The following ENOX1 variants were observed in gnomAD, a reference collection of about 807,000 sequenced individuals.
ENOX1 encodes the protein candidate growth-related and time keeping constitutive hydroquinone (NADH) oxidase.
A neutral mutation model predicts 82.5 loss-of-function variants in ENOX1; 42 were observed. The observed-to-expected ratio is 0.51, with a 90% CI of 0.40 to 0.66. The LOEUF (loss-of-function observed/expected upper bound fraction) is 0.66, where lower values mean the gene tolerates loss of function less well. Ranked by LOEUF, ENOX1 falls within the 30% of genes least tolerant of loss-of-function variation. The probability of loss-of-function intolerance (pLI) is 0.00; values close to 1 mark genes in which losing one functional copy is unlikely to be tolerated. For synonymous variants in ENOX1, 271 were observed against 282.2 expected (o/e 0.96, Z 0.40); for missense variants, 608 against 811.6 (o/e 0.75, Z 3.05).
rs116270991 is a variant in ENOX1 at position 43,540,652 on chromosome 13, C to A, written c.-218-56500G>T. On this transcript the variant is annotated intron_variant, in intron 2 of 16. Transcript: ENST00000690772. ...TGAGATGGCTATGAGCTAGGTCCTG[C>A]AGAGCTTTGTGGGGTTGTTGACTTT... Among the ~76,000 whole-genome samples, 1,467 of 152,234 alleles carry A rather than the reference C, an allele frequency of 9.6e-3. 15 individuals are homozygous for A. The highest frequency in any genetic ancestry group is 0.033 in the African/African-American group (1,367 of 41,534).
At chr13:43,529,678 G>A (rs946924250) in intron 2 of ENOX1, among the ~76,000 whole-genome samples, 1 of 152,030 alleles carries the variant, frequency 6.6e-6, no homozygotes, top group African/African-American at 2.4e-5. Flanking sequence ...ACAGCAATTG[G>A]GTTTGGTACT....
At position 43,386,907 on chromosome 13, in the gene ENOX1, T is replaced by C. The variant is rs1306422432; in HGVS notation, c.208+25009A>G. Reference sequence around the variant, plus strand: ...AATATCAAAACTTGACGTGGTAACATTATAGAAAAAAGCTAGTGGAACACC... The same window carrying C: ...AATATCAAAACTTGACGTGGTAACACTATAGAAAAAAGCTAGTGGAACACC... On this transcript the variant is annotated intron_variant, in intron 5 of 16. Transcript: ENST00000690772. 2.6e-5 allele frequency among the ~76,000 whole-genome samples: 4 copies of C among 152,140 alleles called. No individual in the cohort carries two copies. The East Asian group carries it at 7.7e-4, about 29-fold the overall frequency.
chr13:43,276,597 G>A (rs528653595), intron 12 of ENOX1, among the ~76,000 whole-genome samples: 2 of 152,292 alleles, frequency 1.3e-5, no homozygotes, highest in Admixed American at 6.5e-5. Context: ...CTTAGGTCCC[G>A]CTGATGAGGT....
chr13:43,603,977 T>A, intron 2 of ENOX1, among the ~76,000 whole-genome samples: 1 of 136,274 alleles, frequency 7.3e-6, no homozygotes, highest in Non-Finnish European at 1.6e-5. Flanking sequence ...ACTTCCACAA[T>A]GGTTGAACTA....
rs1566307696 is a variant in ENOX1, at chr13:43,470,365, C to CGTATATATATGTATATATAT, written c.-75+13643_-75+13644insATATATATACATATATATAC. Among the ~76,000 whole-genome samples the CGTATATATATGTATATATAT allele has an allele frequency of 2.0e-3, 56 of 27,354 alleles. 7 individuals carry two copies. The highest frequency in any genetic ancestry group is 8.9e-3 in the African/African-American group (53 of 5,934). The allele number at this position is 27,354 out of a possible 152,430, so 17.9% of individuals were successfully genotyped here. A position where few individuals can be genotyped will look rare whatever the true frequency, so the allele number is the denominator to read the frequency against. ...ACGTATATATATATGTATATATATA[C>CGTATATATATGTATATATAT]GTATATATATACATATATATACGTA... is the stretch of plus-strand genomic sequence containing the variant. On this transcript the variant is annotated intron_variant, in intron 3 of 16. Transcript: ENST00000690772.
At chr13:43,366,282 C>CT (rs71671308) in intron 5 of ENOX1, among the ~76,000 whole-genome samples, 44,643 of 148,772 alleles carry the variant, frequency 0.3, 6,686 homozygotes, top group East Asian at 0.46. Flanking sequence ...GGCTGACCAG[C>CT]TTTTTTTTTT....
chr13:43,229,687 T>C (rs2042189317), intron 15 of ENOX1, among the ~76,000 whole-genome samples: 1 of 152,130 alleles, frequency 6.6e-6, no homozygotes, highest in African/African-American at 2.4e-5. Context: ...CAGTTGGAAG[T>C]GTTTGCATGA....
chr13:43,477,015 CAG>C (rs1205534218), intron 3 of ENOX1, among the ~76,000 whole-genome samples: 1 of 150,000 alleles, frequency 6.7e-6, no homozygotes, highest in Non-Finnish European at 1.5e-5. Context: ...ATGAATGAAA[CAG>C]ATCTCCATAT....
chr13:43,254,887 G>GTAA (rs1175515794), intron 14 of ENOX1, among the ~76,000 whole-genome samples: 2 of 152,098 alleles, frequency 1.3e-5, no homozygotes, highest in Admixed American at 1.3e-4. Flanking sequence ...GATTGAAGCA[G>GTAA]TAATAAAAAG....
chr13:43,338,908 A>T (rs1313672887), intron 9 of ENOX1, among the ~76,000 whole-genome samples: 1 of 151,980 alleles, frequency 6.6e-6, no homozygotes, highest in East Asian at 1.9e-4. Context: ...GATGGTCTCG[A>T]TCTCCTGACC....
intron 1 of ENOX1, among the ~76,000 whole-genome samples, chr13:43,693,992 A>T (rs183622044): frequency 2.6e-5 from 4 of 152,332 alleles, no homozygotes; most frequent in African/African-American, 9.6e-5. Flanking sequence ...CTGAGAACAA[A>T]AGAAGTAAAA....
chr13:43,621,210 G>C (rs1469584248), intron 2 of ENOX1, among the ~76,000 whole-genome samples: 2 of 152,126 alleles, frequency 1.3e-5, no homozygotes, highest in East Asian at 1.9e-4. Flanking sequence ...CTTTCAAGTG[G>C]AGCATTTAGG....
chr13:43,394,108 C>A (rs2052981601), intron 5 of ENOX1, among the ~76,000 whole-genome samples: 1 of 152,214 alleles, frequency 6.6e-6, no homozygotes, highest in African/African-American at 2.4e-5. Context: ...AGAACTGAGA[C>A]AAATGAACAT....
intron 3 of ENOX1, among the ~76,000 whole-genome samples, chr13:43,445,369 C>T (rs1255194851): frequency 4.6e-5 from 7 of 152,044 alleles, no homozygotes; most frequent in East Asian, 1.9e-4. Context: ...GTGATCTGCC[C>T]GCCTTGGCCT....
intron 14 of ENOX1, among the ~76,000 whole-genome samples, chr13:43,239,642 C>A (rs1030941114): frequency 6.6e-6 from 1 of 152,158 alleles, no homozygotes; most frequent in African/African-American, 2.4e-5. Flanking sequence ...AGATGCTAAG[C>A]CTGCCTTGGG....
intron 14 of ENOX1, among the ~76,000 whole-genome samples, chr13:43,261,878 T>C (rs1049248092): frequency 4.8e-5 from 7 of 144,886 alleles, no homozygotes; most frequent in African/African-American, 1.0e-4. Flanking sequence ...TTGGGAGATA[T>C]ACCTAAGGCT....
At chr13:43,728,528 G>C (rs2089132845) in intron 1 of ENOX1, among the ~76,000 whole-genome samples, 4 of 152,118 alleles carry the variant, frequency 2.6e-5, no homozygotes. Flanking sequence ...GAGAGCTTGG[G>C]CAAATAGATC....
intron 1 of ENOX1, among the ~76,000 whole-genome samples, chr13:43,729,951 T>C (rs2089234579): frequency 6.6e-6 from 1 of 152,190 alleles, no homozygotes; most frequent in Admixed American, 6.5e-5. Context: ...GGACATCTCC[T>C]CTGCTCCTAC....
intron 2 of ENOX1, among the ~76,000 whole-genome samples, chr13:43,665,646 T>C (rs894342140): frequency 3.9e-5 from 6 of 151,986 alleles, no homozygotes; most frequent in Admixed American, 2.0e-4. Context: ...CAGTTCAACC[T>C]GCGATGCCAA....
Sources: allele counts gnomAD v4.1 joint callset (sites outside exome capture counted in the v4.1 genomes callset), GRCh38; gene constraint gnomAD v4.1.1; transcripts MANE v1.5; gene names NCBI Gene and HGNC (gene_info 2026-07-23, HGNC 2026-07-21).